APLP1: variants seen among roughly 807,000 people sequenced by gnomAD.
APLP1 encodes the protein amyloid beta (A4) precursor-like protein 1.
Under a neutral mutation model 84.5 loss-of-function variants are expected in APLP1, and 46 were observed. That is an observed-to-expected ratio of 0.54 (90% CI 0.43 to 0.70). The LOEUF is 0.70. Ranked by LOEUF, APLP1 falls within the 30% of genes least tolerant of loss-of-function variation. The pLI, the probability that APLP1 is intolerant of heterozygous loss-of-function variation, is 0.00. For missense variants in APLP1, 826 were observed against 900.2 expected (o/e 0.92, Z 1.05); for synonymous variants, 376 against 364.0 (o/e 1.03, Z -0.38).
chr19:35,869,904 A>AGGCTGGGGGGCGTGGC, intron 2 of APLP1, 94 bp downstream of exon 2: 1 of 1,472,530 alleles, frequency 6.8e-7, no homozygotes, highest in Non-Finnish European at 9.0e-7. Context: ...TAAGGCGTGG[A>AGGCTGGGGGGCGTGGC]GGCTGGGGGG....
At position 35,871,992 on chromosome 19, in the gene APLP1, C is replaced by T. The variant is rs1043674357; in HGVS notation, c.806C>T (p.Thr269Met). 8 of 1,613,946 alleles carry T rather than the reference C, an allele frequency of 5.0e-6. No individual in the cohort carries two copies. The highest frequency in any genetic ancestry group is 2.7e-5 in the African/African-American group (2 of 74,880). ...CCGCAGGCTGAAGAGGAAGAGGAAA[C>T]GGTCCCACCCCCAAGCTCCCATACA... ...EPPQAEEEEE[T>M]VPPPSSHTLA... The change falls in exon 6 of 17, where the codon ACG becomes ATG. Residue 269 changes from threonine to methionine, a missense_variant. Transcript: ENST00000221891.
rs747473749 is a variant in APLP1, at chr19:35,876,577, C to T, written c.1405C>T (p.Gln469Ter). The T allele has an allele frequency of 6.2e-7, 1 of 1,613,456 alleles. No homozygotes were observed. Among genetic ancestry groups the T allele is most frequent in the Non-Finnish European group, 8.5e-7 (1 of 1,179,808 alleles). Residue 469 changes from glutamine to a stop codon, truncating the protein, a stop_gained, in exon 11 of 17, where the codon CAG (glutamine) becomes TAG (stop). Coordinates refer to ENST00000221891, the MANE Select transcript of APLP1 (RefSeq NM_001024807.3). LOFTEE classifies it high-confidence loss of function. ...GAATCAGAGCCTGGGCCTGCTTGAC[C>T]AGAACCCCCACCTGGCTCAGGAGCT... is the stretch of plus-strand genomic sequence containing the variant. ...RVNQSLGLLD[Q>*]NPHLAQELRP...
chr19:35,874,982 C>T lies in APLP1; in HGVS notation c.1344+113C>T. On this transcript the variant is annotated intron_variant, in intron 10 of 16. Transcript: ENST00000221891. The surrounding 1 kb of genome is among the most constrained non-coding windows in gnomAD (Gnocchi z 6.4). ...TCTGTCTCTTGGACCCCTTCCTATC[C>T]CCTGAACACCGCTTCTCTGCCCCTT... 1 of 1,396,926 alleles carries T rather than the reference C, an allele frequency of 7.2e-7. No individual in the cohort carries two copies. Among genetic ancestry groups the T allele is most frequent in the South Asian group, 1.4e-5 (1 of 71,562 alleles). The allele number at this position is 1,396,926 out of a possible 1,614,324, so 86.5% of individuals were successfully genotyped here.
chr19:35,876,024 C>T (rs955893419), intron 10 of APLP1, among the ~76,000 whole-genome samples: 18 of 152,336 alleles, frequency 1.2e-4, no homozygotes, highest in African/African-American at 3.6e-4. Flanking sequence ...ATCTGCCTAC[C>T]TCGGCCTCCC....
chr19:35,869,370 C>T, intron 1 of APLP1: 1 of 580,178 alleles, frequency 1.7e-6, no homozygotes, highest in Non-Finnish European at 3.0e-6. Flanking sequence ...CTCCGCGATT[C>T]AGGTTTAACC....
chr19:35,873,798 C>T (rs1809417289), intron 8 of APLP1, 85 bp downstream of exon 8: 1 of 1,257,660 alleles, frequency 8.0e-7, no homozygotes. Context: ...TGTGCCCTGC[C>T]CATCCAGTTC....
chr19:35,871,825 T>TCTTACTGCCTGGGTC, intron 5 of APLP1, 33 bp from the exon 6 acceptor site: 1 of 1,613,082 alleles, frequency 6.2e-7, no homozygotes, highest in Non-Finnish European at 8.5e-7. Context: ...AGGCCTGGGT[T>TCTTACTGCCTGGGTC]CTTACTGCCT....
intron 12 of APLP1, 23 bp from the exon 13 acceptor site, chr19:35,878,059 C>G: frequency 6.2e-7 from 1 of 1,611,524 alleles, no homozygotes; most frequent in Non-Finnish European, 8.5e-7. Context: ...CTGTTCCACT[C>G]CCTTGCTTCC....
intron 6 of APLP1, among the ~76,000 whole-genome samples, 175 bp downstream of exon 6, chr19:35,872,211 G>A (rs913636652): frequency 6.6e-6 from 1 of 152,074 alleles, no homozygotes; most frequent in Admixed American, 6.6e-5. Context: ...TGCCAAGGGA[G>A]GGGGTGGTTT....
In APLP1 at chr19:35,874,746, G is replaced by A. The variant is rs201735866; in HGVS notation, c.1221G>A (p.Glu407=). Residue 407 remains glutamate (E), a synonymous_variant, in exon 10 of 17, where the codon GAG becomes GAA. Coordinates refer to ENST00000221891, the MANE Select transcript of APLP1 (RefSeq NM_001024807.3). This position sits in a 1 kb window ranked among gnomAD's most constrained non-coding sequence, Gnocchi z 6.4. The part of the protein sequence containing the change: ...AALQADPPQA[E]RVLLALRRYL... Reference sequence around the variant, plus strand: ...ATCCTGTGTCCCTTCCACAGGCGGAGCGTGTCCTGTTGGCCCTGCGGCGCT... The same window carrying A: ...ATCCTGTGTCCCTTCCACAGGCGGAACGTGTCCTGTTGGCCCTGCGGCGCT... 20 of 1,613,308 alleles carry A rather than the reference G, an allele frequency of 1.2e-5. No individual in the cohort carries two copies. Among genetic ancestry groups the A allele is most frequent in the African/African-American group, 6.7e-5 (5 of 75,054 alleles).
chr19:35,871,331 G>A lies in APLP1; in HGVS notation c.519G>A (p.Arg173=). ...ACCAATGTGAGAGTTCAACCCGGAG[G>A]CATCAGGAGGCACAGGAGGTCAGGA... ...RMDQCESSTR[R]HQEAQEACSS... The change falls in exon 4 of 17, where the codon AGG becomes AGA. Residue 173 remains arginine (R), a synonymous_variant. Transcript: ENST00000221891. 1 of 1,611,226 alleles carries A rather than the reference G, an allele frequency of 6.2e-7. No homozygotes were observed. The highest frequency in any genetic ancestry group is 2.2e-5 in the East Asian group (1 of 44,766).
In APLP1 at chr19:35,874,971, C is replaced by A; in HGVS notation, c.1344+102C>A. 1 of 1,455,414 alleles carries A rather than the reference C, an allele frequency of 6.9e-7. No individual in the cohort carries two copies. The highest frequency in any genetic ancestry group is 9.2e-7 in the Non-Finnish European group (1 of 1,090,602). 90.2% of individuals were successfully genotyped at this position (1,455,414 alleles called of 1,614,324 possible). A position where few individuals can be genotyped will look rare whatever the true frequency, so the allele number is the denominator to read the frequency against. ...TAGACCCTCTTTCTGTCTCTTGGAC[C>A]CCTTCCTATCCCCTGAACACCGCTT... is the stretch of plus-strand genomic sequence containing the variant. On this transcript the variant is annotated intron_variant, in intron 10 of 16. Coordinates refer to ENST00000221891, the MANE Select transcript of APLP1 (RefSeq NM_001024807.3). This position sits in a 1 kb window ranked among gnomAD's most constrained non-coding sequence, Gnocchi z 6.4.
At position 35,878,665 on chromosome 19, in the gene APLP1, C is replaced by A. The variant is rs371133333; in HGVS notation, c.1650+11C>A. ...CAGTATGAGCGAAAGGTAAGTTAGT[C>A]AGAACTGTGGGCTCCCTAAGGGGAA... is the stretch of plus-strand genomic sequence containing the variant. On this transcript the variant is annotated intron_variant, in intron 14 of 16. Coordinates refer to ENST00000221891, the MANE Select transcript of APLP1 (RefSeq NM_001024807.3). 8 of 1,613,884 alleles carry A rather than the reference C, an allele frequency of 5.0e-6. No individual in the cohort carries two copies. The highest frequency in any genetic ancestry group is 6.8e-6 in the Non-Finnish European group (8 of 1,179,954).
Position 35,870,979 on chromosome 19 carries a change from C to A in APLP1, c.375C>A (p.Ser125Arg), listed in dbSNP as rs771485331. ...PMERWCGGSR[S>R]GSCAHPHHQV... ...AGCGCTGGTGCGGGGGTTCCCGGAGCGGCAGCTGCGCCCACCCCCACCACC... is the reference window on the plus strand; with the variant it reads ...AGCGCTGGTGCGGGGGTTCCCGGAGAGGCAGCTGCGCCCACCCCCACCACC... The change falls in exon 3 of 17, where the codon AGC becomes AGA. Residue 125 changes from serine to arginine, a missense_variant. Ser to Arg is a moderately radical substitution (Grantham distance 110). Around this residue, in one of 3 missense-constraint regions of APLP1, gnomAD observed 383 missense variants for 378.3 expected, o/e 1.01. Transcript: ENST00000221891. 7 of 1,566,446 alleles carry A rather than the reference C, an allele frequency of 4.5e-6. No homozygotes were observed. The Admixed American group carries it at 9.7e-5, about 22-fold the overall frequency.
In APLP1 at chr19:35,877,882, T is replaced by C. The variant is rs1377998442; in HGVS notation, c.1552+57T>C. The C allele has an allele frequency of 6.8e-6, 10 of 1,467,290 alleles. No homozygotes were observed. In the East Asian group the frequency reaches 1.6e-4, roughly 24 times the overall value. 90.9% of individuals were successfully genotyped at this position (1,467,290 alleles called of 1,614,324 possible). ...CATTAGGGAACAGGCCCCAGCCTAA[T>C]TTGTAATCCCCTAGAGTCTGAGGGT... On this transcript the variant is annotated intron_variant, in intron 12 of 16. Transcript: ENST00000221891.
At chr19:35,869,171 A>G (rs1974075132) in intron 1 of APLP1, 3 of 338,666 alleles carry the variant, frequency 8.9e-6, no homozygotes, top group Non-Finnish European at 1.6e-5. Context: ...GCAGCCTCCC[A>G]GGACCCAGGA....
In APLP1 at chr19:35,868,760, G is replaced by A. The variant is rs1974052151; in HGVS notation, c.124G>A (p.Gly42Ser). ...RAQPAIGSLAGGSPGAAEAPG... is the reference protein window; with the variant it reads ...RAQPAIGSLASGSPGAAEAPG... Reference sequence around the variant, plus strand: ...GCAGCCCGCCATCGGGAGCCTGGCCGGTGGGAGCCCCGGCGCGGCCGAGGT... The same window carrying A: ...GCAGCCCGCCATCGGGAGCCTGGCCAGTGGGAGCCCCGGCGCGGCCGAGGT... Residue 42 changes from glycine (G) to serine (S), a missense_variant, in exon 1 of 17, where the codon GGT becomes AGT. By Grantham distance (56) the Gly-to-Ser change is moderately conservative. Transcript: ENST00000221891. The surrounding 1 kb of genome is among the most constrained non-coding windows in gnomAD (Gnocchi z 5.2). 4.5e-6 allele frequency: 6 copies of A among 1,344,146 alleles called. No individual in the cohort carries two copies. The South Asian group carries it at 7.2e-5, about 16-fold the overall frequency. 83.3% of individuals were successfully genotyped at this position (1,344,146 alleles called of 1,614,324 possible).
chr19:35,868,698 CG>C lies in APLP1; in HGVS notation c.63del (p.Leu22CysfsTer42). 2.1e-6 allele frequency: 3 copies of C among 1,416,510 alleles called. No individual in the cohort carries two copies. Among genetic ancestry groups the C allele is most frequent in the Non-Finnish European group, 2.8e-6 (3 of 1,089,352 alleles). The allele number at this position is 1,416,510 out of a possible 1,614,324, so 87.7% of individuals were successfully genotyped here. On this transcript the variant is annotated frameshift_variant, in exon 1 of 17. Coordinates refer to ENST00000221891, the MANE Select transcript of APLP1 (RefSeq NM_001024807.3). LOFTEE classifies it high-confidence loss of function. This position sits in a 1 kb window ranked among gnomAD's most constrained non-coding sequence, Gnocchi z 5.2. ...LSRRPGQPPL[P>X]LLLPLLLLLL... The stretch of plus-strand genomic sequence containing the variant: ...CGCCGCCCGGGCCAGCCGCCGCTGC[CG>C]CTGCTGCTGCCACTATTGCTGCTGC...
chr19:35,879,285 C>A, intron 16 of APLP1, 58 bp from the exon 17 acceptor site: 1 of 1,609,530 alleles, frequency 6.2e-7, no homozygotes, highest in South Asian at 1.1e-5. Flanking sequence ...GCCTGAGAGA[C>A]TTGCGGGCAG....
Sources: gnomAD v4.1 joint callset for allele counts (sites outside exome capture counted in the v4.1 genomes callset) on GRCh38, gnomAD v4.1.1 for gene constraint, gnomAD v4.1.1 regional missense constraint, Gnocchi (gnomAD v3.1) non-coding constraint, MANE v1.5 for transcripts, NCBI Gene and HGNC (gene_info 2026-07-23, HGNC 2026-07-21) for gene names.